The following SEC24D variants were observed in gnomAD, a reference collection of about 807,000 sequenced individuals.
SEC24D encodes the protein SEC24 homolog D, COPII component.
Under a neutral mutation model 116.9 loss-of-function variants are expected in SEC24D, and 69 were observed. The observed-to-expected ratio is 0.59, with a 90% CI of 0.49 to 0.72. The LOEUF is 0.72. Among genes scored for constraint, SEC24D ranks in the 30% least tolerant of loss-of-function variants. SEC24D has a pLI of 0.00. For synonymous variants in SEC24D, 405 were observed against 442.8 expected, an observed-to-expected ratio of 0.91 and a Z score of 1.07; for missense variants, 1,131 against 1,264.1, an observed-to-expected ratio of 0.89 and a Z score of 1.60.
At chr4:118,725,267 A>G (rs1368209653) in intron 22 of SEC24D, among the ~76,000 whole-genome samples, 1 of 152,216 alleles carries the variant, frequency 6.6e-6, no homozygotes, top group African/African-American at 2.4e-5. Context: ...CTGTGTGCAT[A>G]GGCAGATTCC....
chr4:118,791,814 G>A (rs1045595901), intron 8 of SEC24D, among the ~76,000 whole-genome samples: 3 of 152,122 alleles, frequency 2.0e-5, no homozygotes, highest in Admixed American at 1.3e-4. Context: ...ACGGAGTCTC[G>A]CTCACTCAGC....
chr4:118,757,494 T>C (rs899615576), intron 11 of SEC24D, among the ~76,000 whole-genome samples: 1 of 152,208 alleles, frequency 6.6e-6, no homozygotes, highest in African/African-American at 2.4e-5. Flanking sequence ...ACTTTGAAAG[T>C]TCTTTACCAT....
chr4:118,819,289 T>G lies in SEC24D; in HGVS notation c.249-1877A>C, dbSNP rs147245493. 2.1e-3 allele frequency among the ~76,000 whole-genome samples: 316 copies of G among 152,214 alleles called. 4 individuals carry two copies. In the East Asian group the frequency reaches 0.046, roughly 22 times the overall value. ...GCTCATGCTTGTAATTCCAGCACTTTGGGAGGCCGAGGAGGGCGGATCACG... is the reference window on the plus strand; with the variant it reads ...GCTCATGCTTGTAATTCCAGCACTTGGGGAGGCCGAGGAGGGCGGATCACG... On this transcript the variant is annotated intron_variant, in intron 3 of 22. Coordinates refer to ENST00000280551, the MANE Select transcript of SEC24D (RefSeq NM_014822.4).
chr4:118,789,266 A>C (rs6822035), intron 8 of SEC24D, among the ~76,000 whole-genome samples: 93,023 of 152,116 alleles, frequency 0.61, 30,749 homozygotes, highest in Non-Finnish European at 0.72. Flanking sequence ...ACATGGTCAT[A>C]GTGAATAAAC....
chr4:118,728,217 A>G (rs1275459257), intron 22 of SEC24D, among the ~76,000 whole-genome samples: 2 of 152,216 alleles, frequency 1.3e-5, no homozygotes, highest in East Asian at 1.9e-4. Flanking sequence ...AAATTTTACA[A>G]ATGTTCTAAA....
chr4:118,737,690 G>A (rs1209048117), intron 19 of SEC24D, among the ~76,000 whole-genome samples: 1 of 152,114 alleles, frequency 6.6e-6, no homozygotes, highest in Non-Finnish European at 1.5e-5. Flanking sequence ...TTGAGGTTCT[G>A]CTTTTCCTTT....
chr4:118,793,238 C>A (rs1273941412), intron 8 of SEC24D, among the ~76,000 whole-genome samples: 1 of 151,816 alleles, frequency 6.6e-6, no homozygotes, highest in South Asian at 2.1e-4. Flanking sequence ...GAGGCCGAGG[C>A]GGGCGGATCA....
At chr4:118,779,155 G>A (rs1000974352) in intron 8 of SEC24D, among the ~76,000 whole-genome samples, 3 of 152,306 alleles carry the variant, frequency 2.0e-5, no homozygotes, top group Middle Eastern at 3.4e-3. Context: ...TAGGAGTGGT[G>A]AGAGAGGGCA....
At chr4:118,796,438 G>A (rs528025735) in intron 8 of SEC24D, among the ~76,000 whole-genome samples, 6 of 152,212 alleles carry the variant, frequency 3.9e-5, no homozygotes, top group African/African-American at 4.8e-5. Context: ...TTGCAAATAC[G>A]AAACCATACC....
In SEC24D at chr4:118,752,679, A is replaced by G; in HGVS notation, c.1613+18T>C. 1 of 1,554,162 alleles carries G rather than the reference A, an allele frequency of 6.4e-7. No homozygotes were observed. Among genetic ancestry groups the G allele is most frequent in the Non-Finnish European group, 8.8e-7 (1 of 1,142,638 alleles). On this transcript the variant is annotated intron_variant, in intron 12 of 22. Coordinates refer to ENST00000280551, the MANE Select transcript of SEC24D (RefSeq NM_014822.4). ...AACACCTGATTTACTTTTAAATTAT[A>G]AAACACTTGATATTTACTTATGAAT...
intron 8 of SEC24D, among the ~76,000 whole-genome samples, chr4:118,790,123 G>C (rs1430714473): frequency 6.6e-6 from 1 of 152,194 alleles, no homozygotes; most frequent in Non-Finnish European, 1.5e-5. Flanking sequence ...TCCTAGCACA[G>C]AGTAAGGAGG....
rs778944447 is a variant in SEC24D, at chr4:118,732,785, G to A, written c.2624C>T (p.Thr875Ile). Residue 875 changes from threonine (T) to isoleucine (I), a missense_variant, in exon 20 of 23, where the codon ACC becomes ATC. By Grantham distance (89) the Thr-to-Ile change is moderately conservative. Transcript: ENST00000280551. ...AAGCTGAGAGTCAGCCACACCCATGGTCATGACCAGCTGTCTCTGGTATGC... is the reference window on the plus strand; with the variant it reads ...AAGCTGAGAGTCAGCCACACCCATGATCATGACCAGCTGTCTCTGGTATGC... The part of the protein sequence containing the change: ...ERAYQRQLVM[T>I]MGVADSQLFF... 13 of 1,614,000 alleles carry A rather than the reference G, an allele frequency of 8.1e-6. No individual in the cohort carries two copies. Among genetic ancestry groups the A allele is most frequent in the African/African-American group, 5.3e-5 (4 of 74,922 alleles).
At chr4:118,794,701 C>G (rs1302756971) in intron 8 of SEC24D, among the ~76,000 whole-genome samples, 1 of 152,136 alleles carries the variant, frequency 6.6e-6, no homozygotes, top group Non-Finnish European at 1.5e-5. Flanking sequence ...GGGGATGGTT[C>G]TTGTAGGCAC....
chr4:118,763,235 C>T (rs1727471094), intron 10 of SEC24D, among the ~76,000 whole-genome samples: 1 of 152,126 alleles, frequency 6.6e-6, no homozygotes, highest in African/African-American at 2.4e-5. Flanking sequence ...GATGTTGCAA[C>T]ATCTTAAACT....
intron 15 of SEC24D, 94 bp downstream of exon 15, chr4:118,743,894 C>G: frequency 8.9e-7 from 1 of 1,129,506 alleles, no homozygotes; most frequent in Non-Finnish European, 1.2e-6. Flanking sequence ...GTGTCATCTA[C>G]CCACCAGGGA....
intron 8 of SEC24D, among the ~76,000 whole-genome samples, chr4:118,780,545 C>T (rs1346574396): frequency 2.0e-5 from 3 of 152,032 alleles, no homozygotes; most frequent in South Asian, 4.1e-4. Context: ...TTGGAATAAG[C>T]GTGATGTGGT....
chr4:118,735,536 A>C (rs1725915017), intron 19 of SEC24D, among the ~76,000 whole-genome samples: 1 of 152,244 alleles, frequency 6.6e-6, no homozygotes, highest in East Asian at 1.9e-4. Context: ...TTTAAAAAGA[A>C]AGCTTATTTT....
intron 8 of SEC24D, among the ~76,000 whole-genome samples, chr4:118,786,300 A>G (rs866483729): frequency 1.3e-5 from 2 of 152,134 alleles, no homozygotes; most frequent in Non-Finnish European, 2.9e-5. Context: ...TTCTTTTCCT[A>G]CATTTTTCTC....
intron 1 of SEC24D, 100 bp from the exon 2 acceptor site, chr4:118,833,837 G>A: frequency 1.7e-6 from 1 of 598,680 alleles, no homozygotes; most frequent in South Asian, 2.1e-5. Flanking sequence ...GATGGTTTGA[G>A]GAAAAGTACA....
Sources: gnomAD v4.1 joint callset for allele counts (sites outside exome capture counted in the v4.1 genomes callset) on GRCh38, gnomAD v4.1.1 for gene constraint, MANE v1.5 for transcripts, NCBI Gene and HGNC (gene_info 2026-07-23, HGNC 2026-07-21) for gene names.